Variants in DNA2 observed in about 807,000 individuals in gnomAD.
The protein encoded by DNA2 is DNA replication ATP-dependent helicase/nuclease DNA2.
DNA2 carries 101 observed loss-of-function variants against 119.1 expected under a neutral mutation model. The observed-to-expected ratio is 0.85, with a 90% CI of 0.72 to 1.00. DNA2 has a LOEUF of 1.00. DNA2 is among the 50% of genes least tolerant of loss of function. DNA2 has a pLI of 0.00. For missense variants in DNA2, 1,121 were observed against 1,255.5 expected, an observed-to-expected ratio of 0.89 and a Z score of 1.62; for synonymous variants, 366 against 424.4, an observed-to-expected ratio of 0.86 and a Z score of 1.69.
At chr10:68,424,532 T>A in intron 14 of DNA2, 2 of 724,052 alleles carry the variant, frequency 2.8e-6, no homozygotes, top group Admixed American at 3.7e-5. Context: ...AAAACAGGCC[T>A]GAGGCCGCCG....
intron 3 of DNA2, among the ~76,000 whole-genome samples, chr10:68,467,613 T>A (rs528391962): frequency 6.6e-6 from 1 of 151,952 alleles, no homozygotes; most frequent in Non-Finnish European, 1.5e-5. Flanking sequence ...TGCAGTAGCA[T>A]GATCTCGGCT....
intron 2 of DNA2, 53 bp from the exon 3 acceptor site, chr10:68,468,359 TAAA>T: frequency 8.2e-7 from 1 of 1,223,448 alleles, no homozygotes; most frequent in Non-Finnish European, 1.1e-6. Context: ...TTCCTACATG[TAAA>T]CGTATTAGGG....
At chr10:68,457,137 A>C (rs1485071590) in intron 5 of DNA2, among the ~76,000 whole-genome samples, 1 of 151,892 alleles carries the variant, frequency 6.6e-6, no homozygotes, top group Non-Finnish European at 1.5e-5. Flanking sequence ...CCATCTCAAA[A>C]AAAAAAAAAA....
At chr10:68,430,328 C>T (rs773730206) in intron 14 of DNA2, 108 bp downstream of exon 14, 3 of 744,780 alleles carry the variant, frequency 4.0e-6, no homozygotes, top group Non-Finnish European at 6.5e-6. Flanking sequence ...ATAAATTAAT[C>T]ATGTGCAAAT....
chr10:68,444,607 C>T (rs1208372848), intron 8 of DNA2, among the ~76,000 whole-genome samples: 3 of 150,872 alleles, frequency 2.0e-5, no homozygotes, highest in Admixed American at 6.6e-5. Flanking sequence ...GGCTGTAATC[C>T]CAGCTACTTG....
chr10:68,426,235 T>C (rs1410839497), intron 14 of DNA2, among the ~76,000 whole-genome samples: 2 of 145,742 alleles, frequency 1.4e-5, no homozygotes, highest in East Asian at 2.0e-4. Context: ...CCGGACTTCC[T>C]CAAAAAAAAA....
intron 14 of DNA2, among the ~76,000 whole-genome samples, chr10:68,427,484 A>G (rs1590051496): frequency 1.3e-5 from 2 of 151,434 alleles, no homozygotes; most frequent in African/African-American, 4.8e-5. Flanking sequence ...GACAACATAA[A>G]AAAATTGAAA....
rs747643050 is a variant in DNA2 at position 68,432,327 on chromosome 10, A to G, written c.1764-12T>C. Reference sequence around the variant, plus strand: ...CTCGAAGTTTTTTGCTGAAAAGTGAAAAAGCACTTTTAGTAATATTCCTTA... The same window carrying G: ...CTCGAAGTTTTTTGCTGAAAAGTGAGAAAGCACTTTTAGTAATATTCCTTA... On this transcript the variant is annotated splice_polypyrimidine_tract_variant and intron_variant, in intron 11 of 20. Transcript: ENST00000358410. The G allele has an allele frequency of 1.9e-6, 3 of 1,581,594 alleles. No homozygotes were observed. The highest frequency in any genetic ancestry group is 2.3e-5 in the South Asian group (2 of 86,800).
At chr10:68,446,434 G>T in intron 6 of DNA2, 21 bp from the exon 7 acceptor site, 1 of 1,427,786 alleles carries the variant, frequency 7.0e-7, no homozygotes, top group Non-Finnish European at 9.6e-7. Flanking sequence ...ATTGACATTT[G>T]CTCAAACAAA....
At position 68,450,250 on chromosome 10, in the gene DNA2, G is replaced by GAA. The variant is rs34191745; in HGVS notation, c.720-5_720-4dup. On this transcript the variant is annotated splice_polypyrimidine_tract_variant and splice_region_variant and intron_variant, in intron 5 of 20. Coordinates refer to ENST00000358410, the MANE Select transcript of DNA2 (RefSeq NM_001080449.3). ...TATCCTTACTATTATCACTTGGCCTGAAAAAAAAAAAAGCACAAAAACACT... is the reference window on the plus strand; with the variant it reads ...TATCCTTACTATTATCACTTGGCCTGAAAAAAAAAAAAAAGCACAAAAACACT... 1.3e-3 allele frequency: 1,564 copies of GAA among 1,248,404 alleles called. 6 individuals carry two copies. The African/African-American group carries it at 0.019, about 15-fold the overall frequency. The allele number at this position is 1,248,404 out of a possible 1,614,324, so 77.3% of individuals were successfully genotyped here.
At chr10:68,428,857 A>T (rs1461715018) in intron 14 of DNA2, among the ~76,000 whole-genome samples, 1 of 152,160 alleles carries the variant, frequency 6.6e-6, no homozygotes, top group Non-Finnish European at 1.5e-5. Flanking sequence ...GTGCAACATG[A>T]GGAATCTTGT....
At chr10:68,418,411 CAAAA>C (rs754294447) in intron 19 of DNA2, among the ~76,000 whole-genome samples, 3 of 54,326 alleles carry the variant, frequency 5.5e-5, no homozygotes, top group Non-Finnish European at 3.6e-5. Context: ...AACGCCGTCT[CAAAA>C]AAAAAAAAAA....
At position 68,419,091 on chromosome 10, in the gene DNA2, T is replaced by C; in HGVS notation, c.2910A>G (p.Gln970=). The C allele has an allele frequency of 6.2e-7, 1 of 1,612,822 alleles. No homozygotes were observed. The change falls in exon 19 of 21, where the codon CAA becomes CAG. Residue 970 remains glutamine (Q), a synonymous_variant. Coordinates refer to ENST00000358410, the MANE Select transcript of DNA2 (RefSeq NM_001080449.3). ...CTAGGACAATACTTTTGTCCCTTCC[T>C]TGGTATTTGTCTACTGTATTAACTT... ...MVEVNTVDKY[Q]GRDKSIVLVS...
At chr10:68,454,838 T>C (rs2052163149) in intron 5 of DNA2, among the ~76,000 whole-genome samples, 2 of 142,944 alleles carry the variant, frequency 1.4e-5, no homozygotes, top group Non-Finnish European at 3.1e-5. Context: ...CAAATGTAAA[T>C]GACAAAAAGA....
chr10:68,440,294 T>TTTTA (rs966780224), intron 9 of DNA2, among the ~76,000 whole-genome samples: 4 of 152,006 alleles, frequency 2.6e-5, no homozygotes, highest in African/African-American at 4.8e-5. Flanking sequence ...CTTTTTTATT[T>TTTTA]TTTATTTATT....
At chr10:68,441,068 C>T (rs780679401) in intron 9 of DNA2, among the ~76,000 whole-genome samples, 5 of 151,850 alleles carry the variant, frequency 3.3e-5, no homozygotes, top group South Asian at 2.1e-4. Flanking sequence ...CACAGTGGCT[C>T]GCAGCTGTAA....
chr10:68,461,604 A>C (rs1391421339), intron 4 of DNA2: 1 of 152,120 alleles, frequency 6.6e-6, no homozygotes, highest in Admixed American at 6.6e-5. Flanking sequence ...AGAGATGGGC[A>C]GATCACCTGA....
Position 68,419,831 on chromosome 10 carries a change from A to G in DNA2, c.2759T>C (p.Ile920Thr), listed in dbSNP as rs1389901521. ...GVSNVTEAKLIVFLTSIFVKA... is the reference protein window; with the variant it reads ...GVSNVTEAKLTVFLTSIFVKA... ...AACAAAAATGGAGGTTAGGAAAACT[A>G]TGAGTTTGGCTTCTGTTACATTGCT... is the stretch of plus-strand genomic sequence containing the variant. The change falls in exon 18 of 21, where the codon ATA becomes ACA. Residue 920 changes from isoleucine (I) to threonine (T), a missense_variant. Coordinates refer to ENST00000358410, the MANE Select transcript of DNA2 (RefSeq NM_001080449.3). 1.2e-6 allele frequency: 2 copies of G among 1,613,720 alleles called. No individual in the cohort carries two copies. Among genetic ancestry groups the G allele is most frequent in the Non-Finnish European group, 1.7e-6 (2 of 1,179,826 alleles).
At chr10:68,471,683 C>T (rs2052383268) in intron 1 of DNA2, 108 bp downstream of exon 1, 7 of 1,364,676 alleles carry the variant, frequency 5.1e-6, no homozygotes, top group Non-Finnish European at 6.8e-6. Flanking sequence ...TGCACCGGGT[C>T]CCTGGGCCCC....
Sources: gnomAD v4.1 joint callset for allele counts (sites outside exome capture counted in the v4.1 genomes callset) on GRCh38, gnomAD v4.1.1 for gene constraint, MANE v1.5 for transcripts, NCBI Gene and HGNC (gene_info 2026-07-23, HGNC 2026-07-21) for gene names.